TOX: variants seen among roughly 807,000 people sequenced by gnomAD.
TOX encodes the protein thymocyte selection associated high mobility group box.
TOX carries 11 observed loss-of-function variants against 53.7 expected under a neutral mutation model. The ratio of observed to expected loss-of-function variants is 0.20; its 90% CI spans 0.13 to 0.34. The LOEUF (loss-of-function observed/expected upper bound fraction) is 0.34, where lower values mean the gene tolerates loss of function less well. TOX is among the 10% of genes least tolerant of loss of function. The pLI is 1.00. For missense variants in TOX, 570 were observed against 664.6 expected (o/e 0.86, Z 1.56); for synonymous variants, 225 against 245.3 (o/e 0.92, Z 0.77).
intron 1 of TOX, among the ~76,000 whole-genome samples, chr8:58,985,471 G>A (rs1813310333): frequency 6.6e-6 from 1 of 152,152 alleles, no homozygotes. Context: ...CAGACAGAAA[G>A]TAGAATGGCA....
chr8:58,922,749 A>G (rs1030939721), intron 3 of TOX, among the ~76,000 whole-genome samples: 1 of 152,166 alleles, frequency 6.6e-6, no homozygotes, highest in Non-Finnish European at 1.5e-5. Context: ...AGGAAGTAAC[A>G]ATGCTCCAAG....
chr8:58,972,593 C>T (rs1029630507), intron 1 of TOX, among the ~76,000 whole-genome samples: 1 of 152,138 alleles, frequency 6.6e-6, no homozygotes, highest in Non-Finnish European at 1.5e-5. Flanking sequence ...ATAACAATCA[C>T]TCTTTGTATT....
chr8:58,969,091 T>C (rs1262227996), intron 1 of TOX, among the ~76,000 whole-genome samples: 1 of 152,288 alleles, frequency 6.6e-6, no homozygotes, highest in East Asian at 1.9e-4. Flanking sequence ...AGTATAACAA[T>C]TATGTGACAG....
intron 1 of TOX, among the ~76,000 whole-genome samples, chr8:59,042,374 A>G (rs1011368852): frequency 2.6e-5 from 4 of 152,256 alleles, no homozygotes; most frequent in Admixed American, 6.5e-5. Context: ...TTTTACAGCC[A>G]GAGGGAACTT....
At chr8:59,047,595 C>T (rs1030259954) in intron 1 of TOX, among the ~76,000 whole-genome samples, 1 of 151,334 alleles carries the variant, frequency 6.6e-6, no homozygotes, top group Non-Finnish European at 1.5e-5. Context: ...CGGGGTTCCA[C>T]TATGTTGTCC....
intron 1 of TOX, among the ~76,000 whole-genome samples, chr8:59,001,906 TTA>T (rs1289531716): frequency 6.6e-6 from 1 of 151,830 alleles, no homozygotes; most frequent in Non-Finnish European, 1.5e-5. Context: ...ATCTTTCCCT[TTA>T]TCAGTAAAAG....
chr8:58,945,974 G>A (rs904750974), intron 2 of TOX, among the ~76,000 whole-genome samples: 6 of 151,662 alleles, frequency 4.0e-5, no homozygotes, highest in African/African-American at 1.5e-4. Context: ...ATATCATCTC[G>A]TATGTATCTT....
Position 58,926,741 on chromosome 8 carries a change from A to G in TOX, c.411+12561T>C, listed in dbSNP as rs1812167548. On this transcript the variant is annotated intron_variant, in intron 3 of 8. Transcript: ENST00000361421. Reference sequence around the variant, plus strand: ...GAAAAGAATACCTTGAGGTTGGCCAATAATGGGAATGTGGTAAATGGCGGA... The same window carrying G: ...GAAAAGAATACCTTGAGGTTGGCCAGTAATGGGAATGTGGTAAATGGCGGA... 2.0e-5 allele frequency among the ~76,000 whole-genome samples: 3 copies of G among 152,346 alleles called. No individual in the cohort carries two copies. The South Asian group carries it at 6.2e-4, about 32-fold the overall frequency.
intron 1 of TOX, among the ~76,000 whole-genome samples, chr8:59,113,572 T>A (rs1805055507): frequency 6.6e-6 from 1 of 152,132 alleles, no homozygotes; most frequent in Admixed American, 6.5e-5. Flanking sequence ...GAAGGTAAGC[T>A]GAAGAGGGAG....
chr8:59,110,508 C>T (rs772916266), intron 1 of TOX, among the ~76,000 whole-genome samples: 38 of 152,174 alleles, frequency 2.5e-4, no homozygotes, highest in African/African-American at 7.0e-4. Context: ...TTGGCCCATT[C>T]GTTAATTAAT....
At chr8:59,076,133 C>A (rs1283208834) in intron 1 of TOX, among the ~76,000 whole-genome samples, 1 of 152,108 alleles carries the variant, frequency 6.6e-6, no homozygotes, top group Non-Finnish European at 1.5e-5. Flanking sequence ...ACCTCCACTG[C>A]GCAGTACACA....
intron 1 of TOX, among the ~76,000 whole-genome samples, chr8:58,962,972 G>A (rs1244145967): frequency 6.6e-6 from 1 of 152,174 alleles, no homozygotes; most frequent in Non-Finnish European, 1.5e-5. Flanking sequence ...TTGACAGACT[G>A]GGTAAAGCAG....
At chr8:58,840,786 G>C (rs1054924146) in intron 4 of TOX, among the ~76,000 whole-genome samples, 1 of 152,054 alleles carries the variant, frequency 6.6e-6, no homozygotes, top group African/African-American at 2.4e-5. Flanking sequence ...GTGCTTTCCT[G>C]TCGATTAGCT....
At chr8:59,085,773 C>G (rs1804496026) in intron 1 of TOX, among the ~76,000 whole-genome samples, 1 of 152,092 alleles carries the variant, frequency 6.6e-6, no homozygotes, top group Non-Finnish European at 1.5e-5. Flanking sequence ...CTGAGTGACT[C>G]TTATTTAATC....
At chr8:59,115,800 G>A (rs1022729829) in intron 1 of TOX, among the ~76,000 whole-genome samples, 2 of 152,032 alleles carry the variant, frequency 1.3e-5, no homozygotes, top group South Asian at 4.2e-4. Context: ...AACATCATTC[G>A]CATTGTTCCC....
chr8:58,952,976 C>A (rs1041901510), intron 2 of TOX, among the ~76,000 whole-genome samples: 2 of 152,066 alleles, frequency 1.3e-5, no homozygotes, highest in Admixed American at 6.6e-5. Context: ...AATAGCTCAT[C>A]CGCTGGCGAG....
rs114983603 is a variant in TOX, at chr8:58,944,858, T to A, written c.169-5314A>T. Reference sequence around the variant, plus strand: ...AGATTTAGATCCATTCTCCACAATGTCATTATAAAGGAATTTCAGTATATT... The same window carrying A: ...AGATTTAGATCCATTCTCCACAATGACATTATAAAGGAATTTCAGTATATT... On this transcript the variant is annotated intron_variant, in intron 2 of 8. Transcript: ENST00000361421. Among the ~76,000 whole-genome samples the A allele has an allele frequency of 4.7e-3, 715 of 152,262 alleles. 2 individuals carry two copies. Among genetic ancestry groups the A allele is most frequent in the African/African-American group, 0.017 (691 of 41,544 alleles).
chr8:59,083,619 CTT>C, intron 1 of TOX, among the ~76,000 whole-genome samples: 1 of 152,236 alleles, frequency 6.6e-6, no homozygotes, highest in South Asian at 2.1e-4. Flanking sequence ...GAACCCTGCT[CTT>C]GTCTTCTGTT....
intron 3 of TOX, among the ~76,000 whole-genome samples, chr8:58,880,736 T>C (rs751475178): frequency 1.4e-4 from 21 of 152,228 alleles, no homozygotes; most frequent in Non-Finnish European, 3.1e-4. Context: ...AGATTGTCTT[T>C]GAAGCTTATA....
Sources: allele counts gnomAD v4.1 joint callset (sites outside exome capture counted in the v4.1 genomes callset), GRCh38; gene constraint gnomAD v4.1.1; transcripts MANE v1.5; gene names NCBI Gene and HGNC (gene_info 2026-07-23, HGNC 2026-07-21).